HHAT: variants seen among roughly 807,000 people sequenced by gnomAD.
The protein encoded by HHAT is hedgehog acyltransferase, also known as protein-cysteine N-palmitoyltransferase HHAT.
A neutral mutation model predicts 70.8 loss-of-function variants in HHAT; 47 were observed. The ratio of observed to expected loss-of-function variants is 0.66; its 90% CI spans 0.53 to 0.85. The LOEUF is 0.85. Among genes scored for constraint, HHAT ranks in the 40% least tolerant of loss-of-function variants. The pLI is 0.00. For synonymous variants in HHAT, 228 were observed against 247.6 expected, an observed-to-expected ratio of 0.92 and a Z score of 0.74; for missense variants, 609 against 604.8, an observed-to-expected ratio of 1.01 and a Z score of -0.07.
chr1:210,503,912 A>C (rs1239907653), intron 8 of HHAT, among the ~76,000 whole-genome samples: 3 of 152,244 alleles, frequency 2.0e-5, no homozygotes, highest in African/African-American at 7.2e-5. Context: ...GTGCTAAACT[A>C]TGAAACTTTT....
intron 4 of HHAT, among the ~76,000 whole-genome samples, chr1:210,395,509 C>T (rs1014103336): frequency 6.6e-6 from 1 of 152,170 alleles, no homozygotes; most frequent in Admixed American, 6.5e-5. Flanking sequence ...GGATAGAAGC[C>T]TCTATAACAG....
At chr1:210,428,491 G>C (rs1464158376) in intron 7 of HHAT, among the ~76,000 whole-genome samples, 2 of 150,862 alleles carry the variant, frequency 1.3e-5, no homozygotes, top group African/African-American at 4.9e-5. Flanking sequence ...ATCCAATCTA[G>C]GACTACACAT....
intron 3 of HHAT, among the ~76,000 whole-genome samples, chr1:210,381,828 A>T (rs2090661550): frequency 6.6e-6 from 1 of 152,168 alleles, no homozygotes; most frequent in South Asian, 2.1e-4. Context: ...GAACTGGTGG[A>T]CTGAGCTAAC....
At chr1:210,661,476 T>G (rs1168099276) in intron 11 of HHAT, among the ~76,000 whole-genome samples, 1 of 152,190 alleles carries the variant, frequency 6.6e-6, no homozygotes, top group Admixed American at 6.5e-5. Context: ...GTTCAACCAT[T>G]GTGGAAGACA....
chr1:210,495,421 G>A (rs2094620646), intron 8 of HHAT, among the ~76,000 whole-genome samples: 1 of 152,064 alleles, frequency 6.6e-6, no homozygotes, highest in African/African-American at 2.4e-5. Flanking sequence ...TTTAACTTTA[G>A]GCGTGTTAAA....
intron 9 of HHAT, among the ~76,000 whole-genome samples, chr1:210,547,815 C>A (rs1015040933): frequency 2.6e-5 from 4 of 152,192 alleles, no homozygotes; most frequent in African/African-American, 9.7e-5. Context: ...CAACCTATTT[C>A]TGTCTGCCTG....
intron 8 of HHAT, among the ~76,000 whole-genome samples, chr1:210,505,890 T>A (rs2094844586): frequency 6.6e-6 from 1 of 152,190 alleles, no homozygotes; most frequent in Non-Finnish European, 1.5e-5. Context: ...CTCCTGGCCA[T>A]AGTCTGTTGC....
chr1:210,582,839 T>A (rs540100512), intron 9 of HHAT, among the ~76,000 whole-genome samples: 1 of 152,362 alleles, frequency 6.6e-6, no homozygotes, highest in South Asian at 2.1e-4. Flanking sequence ...TCTTGTCTTC[T>A]GACACTGAAC....
chr1:210,525,683 A>G (rs549500745), intron 9 of HHAT, among the ~76,000 whole-genome samples: 2 of 152,336 alleles, frequency 1.3e-5, no homozygotes, highest in East Asian at 3.9e-4. Flanking sequence ...GAGATGCATA[A>G]TTTAGTTCCC....
At chr1:210,368,361 G>T (rs1433555396) in intron 3 of HHAT, among the ~76,000 whole-genome samples, 1 of 152,096 alleles carries the variant, frequency 6.6e-6, no homozygotes, top group Non-Finnish European at 1.5e-5. Flanking sequence ...GCATGATCTT[G>T]GCTCACCATA....
intron 7 of HHAT, among the ~76,000 whole-genome samples, chr1:210,451,404 C>T (rs887634622): frequency 6.6e-6 from 1 of 152,120 alleles, no homozygotes; most frequent in Non-Finnish European, 1.5e-5. Flanking sequence ...TGGAACATTA[C>T]CTTTGAAATT....
intron 6 of HHAT, among the ~76,000 whole-genome samples, chr1:210,404,950 C>T (rs2092267445): frequency 1.3e-5 from 2 of 152,020 alleles, no homozygotes; most frequent in African/African-American, 2.4e-5. Context: ...ATGAGTAGGG[C>T]ACAACAAGGA....
intron 9 of HHAT, among the ~76,000 whole-genome samples, chr1:210,565,927 C>T (rs374499347): frequency 1.1e-4 from 16 of 152,166 alleles, no homozygotes; most frequent in South Asian, 2.1e-4. Context: ...CTGGGCAAGA[C>T]GGCCTCTTGG....
intron 9 of HHAT, among the ~76,000 whole-genome samples, chr1:210,550,256 G>A (rs2148680745): frequency 6.7e-6 from 1 of 149,336 alleles, no homozygotes; most frequent in South Asian, 2.2e-4. Flanking sequence ...TAACTCCTTT[G>A]TAAATGCCTT....
chr1:210,642,767 G>T (rs944750928), intron 11 of HHAT, among the ~76,000 whole-genome samples: 3 of 152,024 alleles, frequency 2.0e-5, no homozygotes, highest in Admixed American at 1.3e-4. Context: ...TTTATATGTT[G>T]TAAATATGTT....
At chr1:210,531,954 C>T (rs1222280648) in intron 9 of HHAT, among the ~76,000 whole-genome samples, 1 of 152,108 alleles carries the variant, frequency 6.6e-6, no homozygotes, top group Non-Finnish European at 1.5e-5. Flanking sequence ...TACTTGCAAG[C>T]AACATGTGAT....
chr1:210,390,105 C>G (rs1399159247), intron 4 of HHAT, among the ~76,000 whole-genome samples: 2 of 151,936 alleles, frequency 1.3e-5, no homozygotes, highest in African/African-American at 4.8e-5. Flanking sequence ...TTAAATATGT[C>G]AGTCATTGCA....
chr1:210,432,650 A>G (rs1185877792), intron 7 of HHAT, among the ~76,000 whole-genome samples: 1 of 151,926 alleles, frequency 6.6e-6, no homozygotes, highest in Non-Finnish European at 1.5e-5. Context: ...CACATAGCCC[A>G]GTGGGTCCTG....
chr1:210,576,586 C>T (rs1657816270), intron 9 of HHAT, among the ~76,000 whole-genome samples: 1 of 151,912 alleles, frequency 6.6e-6, no homozygotes, highest in South Asian at 2.1e-4. Flanking sequence ...TTAATGAGTG[C>T]AGCACACCAA....
Sources: gnomAD v4.1 joint callset for allele counts (sites outside exome capture counted in the v4.1 genomes callset) on GRCh38, gnomAD v4.1.1 for gene constraint, MANE v1.5 for transcripts, NCBI Gene and HGNC (gene_info 2026-07-23, HGNC 2026-07-21) for gene names.